Variants in RASGEF1A observed in about 807,000 individuals in gnomAD.
RASGEF1A encodes the protein ras-GEF domain-containing family member 1A.
A neutral mutation model predicts 56.4 loss-of-function variants in RASGEF1A; 18 were observed. That is an observed-to-expected ratio of 0.32 (90% CI 0.22 to 0.47). RASGEF1A has a LOEUF of 0.47. RASGEF1A is among the 20% of genes least tolerant of loss of function. The pLI is 1.00. For synonymous variants in RASGEF1A, 245 were observed against 242.6 expected, an observed-to-expected ratio of 1.01 and a Z score of -0.09; for missense variants, 422 against 627.1, an observed-to-expected ratio of 0.67 and a Z score of 3.49.
intron 1 of RASGEF1A, among the ~76,000 whole-genome samples, chr10:43,220,876 G>A (rs1449338323): frequency 1.3e-5 from 2 of 152,026 alleles, no homozygotes; most frequent in Non-Finnish European, 2.9e-5. Context: ...TAGGTGTGGT[G>A]GACTGCAATG....
In RASGEF1A at chr10:43,203,319, C is replaced by G. The variant is rs1271988172; in HGVS notation, c.300G>C (p.Gln100His). The change falls in exon 3 of 13, where the codon CAG becomes CAC. Residue 100 changes from glutamine to histidine, a missense_variant. By Grantham distance (24) the Gln-to-His change is conservative. This residue lies in a region of RASGEF1A where 273 missense variants were observed against 339.9 expected (regional missense o/e 0.80). Coordinates refer to ENST00000395810, the MANE Select transcript of RASGEF1A (RefSeq NM_145313.4). ...TCACCTTTTCAGGCCCGGCTTCCAGCTGCTGCTTCTGCTCCACGCAGATCT... is the reference window on the plus strand; with the variant it reads ...TCACCTTTTCAGGCCCGGCTTCCAGGTGCTGCTTCTGCTCCACGCAGATCT... The part of the protein sequence containing the change: ...VGQICVEQKQ[Q>H]LEAGPEKAKL... The G allele has an allele frequency of 6.4e-7, 1 of 1,565,666 alleles. No homozygotes were observed. Among genetic ancestry groups the G allele is most frequent in the South Asian group, 1.2e-5 (1 of 85,346 alleles).
chr10:43,231,128 C>T (rs1357788774), intron 1 of RASGEF1A, among the ~76,000 whole-genome samples: 2 of 152,258 alleles, frequency 1.3e-5, no homozygotes, highest in East Asian at 3.8e-4. Context: ...GGCCCTCCAG[C>T]TTTCACAATG....
chr10:43,226,926 C>T (rs1245462268), intron 1 of RASGEF1A, among the ~76,000 whole-genome samples: 1 of 152,204 alleles, frequency 6.6e-6, no homozygotes, highest in African/African-American at 2.4e-5. Flanking sequence ...AAGACAGACA[C>T]AACTCCATGG....
At chr10:43,202,730 T>G (rs1839921741) in intron 3 of RASGEF1A, 2 of 463,128 alleles carry the variant, frequency 4.3e-6, no homozygotes, top group African/African-American at 4.2e-5. Flanking sequence ...TCCGCCCACG[T>G]TGCCAGCCTA....
At chr10:43,206,283 C>T (rs974844577) in intron 1 of RASGEF1A, among the ~76,000 whole-genome samples, 161 bp from the exon 2 acceptor site, 2 of 152,158 alleles carry the variant, frequency 1.3e-5, no homozygotes, top group African/African-American at 4.8e-5. Context: ...GCAGGGCAGG[C>T]GGGCTCCTTG....
chr10:43,235,076 C>G (rs1357199159), intron 1 of RASGEF1A, among the ~76,000 whole-genome samples: 1 of 152,250 alleles, frequency 6.6e-6, no homozygotes. Context: ...AACCCCTAAG[C>G]CTTCCAGAAT....
At chr10:43,265,645 G>A (rs1836610221) in intron 1 of RASGEF1A, among the ~76,000 whole-genome samples, 1 of 152,262 alleles carries the variant, frequency 6.6e-6, no homozygotes, top group Admixed American at 6.5e-5. Context: ...TGTCCTCAGA[G>A]GTCATCAAAA....
intron 3 of RASGEF1A, among the ~76,000 whole-genome samples, chr10:43,202,165 T>G (rs1335571636): frequency 6.6e-6 from 1 of 152,196 alleles, no homozygotes; most frequent in African/African-American, 2.4e-5. Flanking sequence ...CTTTTTCACT[T>G]AAATAAACTT....
intron 1 of RASGEF1A, chr10:43,229,687 G>A: frequency 4.8e-6 from 7 of 1,454,308 alleles, no homozygotes; most frequent in Non-Finnish European, 6.3e-6. Flanking sequence ...CGTCCTGCCC[G>A]GTCCGGCGTC....
intron 1 of RASGEF1A, among the ~76,000 whole-genome samples, chr10:43,228,798 T>TCCG (rs1840317365): frequency 6.6e-6 from 1 of 152,216 alleles, no homozygotes; most frequent in South Asian, 2.1e-4. Context: ...GACAACACTC[T>TCCG]CCGTGCTGTG....
At position 43,243,142 on chromosome 10, in the gene RASGEF1A, C is replaced by T. The variant is rs557866443; in HGVS notation, c.-7+23703G>A. Among the ~76,000 whole-genome samples, 75 of 151,524 alleles carry T rather than the reference C, an allele frequency of 4.9e-4. No homozygotes were observed. The Middle Eastern group carries it at 0.014, about 28-fold the overall frequency. On this transcript the variant is annotated intron_variant, in intron 1 of 12. Coordinates refer to ENST00000395810, the MANE Select transcript of RASGEF1A (RefSeq NM_145313.4). ...GATGTGAGGAGCGCCTCGGCCTGGC[C>T]GCCCCGTCTGGGAGGAAGTGAGGAG...
chr10:43,238,276 T>C (rs1490226566), intron 1 of RASGEF1A, among the ~76,000 whole-genome samples: 1 of 151,908 alleles, frequency 6.6e-6, no homozygotes, highest in East Asian at 1.9e-4. Context: ...GAGACCTGCC[T>C]TCGGGGGTGT....
intron 8 of RASGEF1A, 26 bp downstream of exon 8, chr10:43,199,066 C>T: frequency 6.2e-7 from 1 of 1,612,816 alleles, no homozygotes; most frequent in South Asian, 1.1e-5. Context: ...ATGCAGCAGC[C>T]CCACCCTGGG....
At chr10:43,265,609 A>C (rs1212509127) in intron 1 of RASGEF1A, among the ~76,000 whole-genome samples, 3 of 152,226 alleles carry the variant, frequency 2.0e-5, no homozygotes, top group African/African-American at 4.8e-5. Context: ...TCCAAAGCAA[A>C]GTGTCACTGG....
chr10:43,248,550 G>A (rs187205377), intron 1 of RASGEF1A, among the ~76,000 whole-genome samples: 4 of 152,226 alleles, frequency 2.6e-5, no homozygotes, highest in African/African-American at 7.2e-5. Flanking sequence ...GACAGCACTC[G>A]ATGACCCTCA....
chr10:43,206,011 C>T lies in RASGEF1A; in HGVS notation c.106G>A (p.Gly36Arg), dbSNP rs1839989848. The T allele has an allele frequency of 6.8e-6, 11 of 1,610,682 alleles. No individual in the cohort carries two copies. Among genetic ancestry groups the T allele is most frequent in the South Asian group, 3.3e-5 (3 of 90,704 alleles). ...TGTCCATCTTGGAAGATGAGGTCCC[C>T]GGAGCCGCCACCGGCCCCGCCTCCA... The part of the protein sequence containing the change: ...ERGGGAGGGS[G>R]DLIFQDGHLI... Residue 36 changes from glycine (G) to arginine (R), a missense_variant, in exon 2 of 13, where the codon GGG becomes AGG. By Grantham distance (125) the Gly-to-Arg change is moderately radical. Around this residue, in one of 2 missense-constraint regions of RASGEF1A, gnomAD observed 273 missense variants for 339.9 expected, o/e 0.80. Coordinates refer to ENST00000395810, the MANE Select transcript of RASGEF1A (RefSeq NM_145313.4).
intron 6 of RASGEF1A, 140 bp from the exon 7 acceptor site, chr10:43,199,908 C>A: frequency 1.3e-6 from 1 of 783,506 alleles, no homozygotes. Context: ...TCCTTGCTGC[C>A]CAGTGCAGGG....
chr10:43,255,038 G>A (rs998209326), intron 1 of RASGEF1A, among the ~76,000 whole-genome samples: 10 of 152,266 alleles, frequency 6.6e-5, no homozygotes, highest in East Asian at 5.8e-4. Context: ...AGAGGAAACC[G>A]GGAAGTGTGG....
At chr10:43,233,591 GC>G (rs907967202) in intron 1 of RASGEF1A, among the ~76,000 whole-genome samples, 1 of 152,188 alleles carries the variant, frequency 6.6e-6, no homozygotes, top group Admixed American at 6.6e-5. Context: ...ACACCCAGCA[GC>G]AAGGCTACCA....
Sources: gnomAD v4.1 joint callset for allele counts (sites outside exome capture counted in the v4.1 genomes callset) on GRCh38, gnomAD v4.1.1 for gene constraint, gnomAD v4.1.1 regional missense constraint, MANE v1.5 for transcripts, NCBI Gene and HGNC (gene_info 2026-07-23, HGNC 2026-07-21) for gene names.